TRIP12: variants seen among roughly 807,000 people sequenced by gnomAD.
TRIP12 encodes the protein E3 ubiquitin-protein ligase TRIP12.
A neutral mutation model predicts 244.2 loss-of-function variants in TRIP12; 25 were observed. The ratio of observed to expected loss-of-function variants is 0.10; its 90% confidence interval spans 0.07 to 0.14. The LOEUF (loss-of-function observed/expected upper bound fraction) is 0.14, where lower values mean the gene tolerates loss of function less well. Ranked by LOEUF, TRIP12 falls within the 10% of genes least tolerant of loss-of-function variation. The pLI is 1.00. For missense variants in TRIP12, 1,677 were observed against 2,486.4 expected, an observed-to-expected ratio of 0.67 and a Z score of 6.92; for synonymous variants, 905 against 873.1, an observed-to-expected ratio of 1.04 and a Z score of -0.64.
chr2:229,773,344 G>C (rs773383787), intron 38 of TRIP12, among the ~76,000 whole-genome samples: 4 of 152,066 alleles, frequency 2.6e-5, no homozygotes, highest in Non-Finnish European at 4.4e-5. Flanking sequence ...AAAGTGCTGG[G>C]ATTACGGGCA....
At chr2:229,837,493 G>C in intron 5 of TRIP12, among the ~76,000 whole-genome samples, 1 of 152,084 alleles carries the variant, frequency 6.6e-6, no homozygotes, top group African/African-American at 2.4e-5. Context: ...AAATTAGCCA[G>C]GTGTGGTGGC....
chr2:229,880,007 G>T lies in TRIP12; in HGVS notation c.73C>A (p.Pro25Thr), dbSNP rs1379853938. Residue 25 changes from proline to threonine, a missense_variant, in exon 2 of 42, where the codon CCA (proline) becomes ACA (threonine). Pro to Thr is a conservative substitution (Grantham distance 38). Around this residue, in one of 11 missense-constraint regions of TRIP12, gnomAD observed 387 missense variants for 392.6 expected, o/e 0.99. Transcript: ENST00000675903. ...CTTCCTCCTATTGAGTCGTCTTGTG[G>T]TTGGGCCCCGGCAGTGTTCCTCTGT... The part of the protein sequence containing the change: ...RSQRNTAGAQ[P>T]QDDSIGGRSH... 6.2e-7 allele frequency: 1 copy of T among 1,613,854 alleles called. No homozygotes were observed. Among genetic ancestry groups the T allele is most frequent in the African/African-American group, 1.3e-5 (1 of 74,836 alleles).
At chr2:229,857,635 C>A (rs1222331285) in intron 4 of TRIP12, among the ~76,000 whole-genome samples, 1 of 134,858 alleles carries the variant, frequency 7.4e-6, no homozygotes, top group African/African-American at 2.5e-5. Flanking sequence ...GAGACTCTGT[C>A]TCAAAAAAAA....
At chr2:229,917,380 C>CAAAAAAAAAAAAAAAAAAAAAAAAAAA (rs60397605) in intron 1 of TRIP12, among the ~76,000 whole-genome samples, 4 of 29,264 alleles carry the variant, frequency 1.4e-4, no homozygotes, top group East Asian at 1.7e-3. Context: ...GACTCTGTCT[C>CAAAAAAAAAAAAAAAAAAAAAAAAAAA]AAAAAAAAAA....
intron 4 of TRIP12, among the ~76,000 whole-genome samples, chr2:229,853,816 G>A (rs2154330696): frequency 6.6e-6 from 1 of 152,190 alleles, no homozygotes; most frequent in African/African-American, 2.4e-5. Flanking sequence ...TGCTTCACAA[G>A]GAGGAATCTT....
chr2:229,826,782 A>G (rs2051748160), intron 8 of TRIP12, among the ~76,000 whole-genome samples: 1 of 152,210 alleles, frequency 6.6e-6, no homozygotes, highest in Admixed American at 6.5e-5. Flanking sequence ...AAATAGAAGA[A>G]GTAGAGTAAA....
chr2:229,783,533 T>C (rs1161461324), intron 34 of TRIP12, among the ~76,000 whole-genome samples: 1 of 152,180 alleles, frequency 6.6e-6, no homozygotes, highest in Non-Finnish European at 1.5e-5. Flanking sequence ...ACAGTATCAT[T>C]TTCAGCTTCA....
intron 26 of TRIP12, chr2:229,794,723 A>T (rs1037693559): frequency 1.3e-5 from 2 of 152,200 alleles, no homozygotes; most frequent in African/African-American, 2.4e-5. Context: ...CATTAAAAAT[A>T]TATATATTTA....
At chr2:229,773,897 G>C (rs1213225530) in intron 38 of TRIP12, 200 bp downstream of exon 38, 6 of 429,870 alleles carry the variant, frequency 1.4e-5, no homozygotes, top group Non-Finnish European at 2.5e-5. Flanking sequence ...AATAATTCAA[G>C]GTTATATAAG....
intron 5 of TRIP12, among the ~76,000 whole-genome samples, chr2:229,837,936 G>A (rs1028620310): frequency 2.0e-5 from 3 of 151,974 alleles, no homozygotes; most frequent in Admixed American, 6.6e-5. Flanking sequence ...CTTCAACAGC[G>A]AAATCAGTAA....
intron 34 of TRIP12, among the ~76,000 whole-genome samples, chr2:229,781,601 C>T (rs1345811904): frequency 1.3e-5 from 2 of 152,178 alleles, no homozygotes; most frequent in South Asian, 2.1e-4. Context: ...TCATTTGTAA[C>T]CCTAATCCTG....
In TRIP12 at chr2:229,778,913, A is replaced by G; in HGVS notation, c.5172T>C (p.Leu1724=). Reference sequence around the variant, plus strand: ...TAAGAGTTACTTCTTCACCTCTCCAAAGACCCAAGTCAGCTCTCTGTAGTT... The same window carrying G: ...TAAGAGTTACTTCTTCACCTCTCCAGAGACCCAAGTCAGCTCTCTGTAGTT... ...SQELQRADLG[L]WRGEEVTLSN... is the part of the protein sequence containing the mutation. Residue 1724 remains leucine (L), a synonymous_variant, in exon 35 of 42, where the codon CTT becomes CTC. Transcript: ENST00000675903. The surrounding 1 kb of genome is among the most constrained non-coding windows in gnomAD (Gnocchi z 4.1). 1 of 1,613,978 alleles carries G rather than the reference A, an allele frequency of 6.2e-7. No individual in the cohort carries two copies.
chr2:229,805,546 G>T (rs769239709), intron 18 of TRIP12, among the ~76,000 whole-genome samples, 184 bp downstream of exon 18: 2 of 152,138 alleles, frequency 1.3e-5, no homozygotes, highest in Non-Finnish European at 2.9e-5. Context: ...TTGTGGAAAA[G>T]ATACCAGTTA....
intron 20 of TRIP12, 30 bp downstream of exon 20, chr2:229,803,541 C>G (rs2154270343): frequency 7.1e-7 from 1 of 1,409,460 alleles, no homozygotes. Flanking sequence ...ACTATCTAGA[C>G]TAAATGACTA....
At chr2:229,903,010 C>CTTTTTCTTTTTTTTTTTTT (rs1553767672) in intron 1 of TRIP12, among the ~76,000 whole-genome samples, 1 of 25,668 alleles carries the variant, frequency 3.9e-5, no homozygotes, top group African/African-American at 1.2e-4. Context: ...TTTTCTTTTT[C>CTTTTTCTTTTTTTTTTTTT]TTTTTTTCTT....
At chr2:229,922,229 G>A, upstream of TRIP12, 1 of 356,168 alleles carries the variant, frequency 2.8e-6, no homozygotes, top group Non-Finnish European at 5.2e-6. Flanking sequence ...GAGGGACCAG[G>A]AAGGGGACTG....
intron 1 of TRIP12, among the ~76,000 whole-genome samples, chr2:229,892,804 T>C (rs1436798738): frequency 6.6e-6 from 1 of 152,056 alleles, no homozygotes; most frequent in African/African-American, 2.4e-5. Context: ...AGATGGAGAC[T>C]GCAGTGGGCT....
At chr2:229,789,003 T>G in intron 31 of TRIP12, 63 bp from the exon 32 acceptor site, 1 of 1,449,172 alleles carries the variant, frequency 6.9e-7, no homozygotes, top group Non-Finnish European at 9.4e-7. Flanking sequence ...ATATTCACAA[T>G]CTCTTCCATT....
Position 229,789,597 on chromosome 2 carries a change from G to GC in TRIP12, c.4695+13dup, listed in dbSNP as rs1559411245. On this transcript the variant is annotated intron_variant, in intron 31 of 41. Transcript: ENST00000675903. ...CAGACCATGAAAACTTCATAAATAG[G>GC]CAACATTACTCACATCATACAAGTA... is the stretch of plus-strand genomic sequence containing the variant. 6.2e-7 allele frequency: 1 copy of GC among 1,604,944 alleles called. No individual in the cohort carries two copies. Among genetic ancestry groups the GC allele is most frequent in the Non-Finnish European group, 8.5e-7 (1 of 1,175,046 alleles).
Sources: gnomAD v4.1 joint callset for allele counts (sites outside exome capture counted in the v4.1 genomes callset) on GRCh38, gnomAD v4.1.1 for gene constraint, gnomAD v4.1.1 regional missense constraint, Gnocchi (gnomAD v3.1) non-coding constraint, MANE v1.5 for transcripts, NCBI Gene and HGNC (gene_info 2026-07-23, HGNC 2026-07-21) for gene names.